The following TANC1 variants were observed in gnomAD, a reference collection of about 807,000 sequenced individuals.
TANC1 encodes the protein protein TANC1.
TANC1 carries 77 observed loss-of-function variants against 149.7 expected under a neutral mutation model. That is an observed-to-expected ratio of 0.51 (90% CI 0.43 to 0.62). The LOEUF is 0.62. Ranked by LOEUF, TANC1 falls within the 20% of genes least tolerant of loss-of-function variation. The pLI, the probability that TANC1 is intolerant of heterozygous loss-of-function variation, is 0.00. For missense variants in TANC1, 1,985 were observed against 2,321.8 expected (o/e 0.85, Z 2.98); for synonymous variants, 854 against 925.0 (o/e 0.92, Z 1.39).
intron 1 of TANC1, among the ~76,000 whole-genome samples, chr2:158,988,205 A>G (rs918898516): frequency 2.6e-5 from 4 of 151,596 alleles, no homozygotes; most frequent in African/African-American, 9.7e-5. Context: ...GGCGCCTGTA[A>G]TCCCAGCTAC....
chr2:159,076,113 C>CTTTTTCATGCCCTTGTACTTGTT (rs1299814369), intron 3 of TANC1, among the ~76,000 whole-genome samples: 15 of 152,138 alleles, frequency 9.9e-5, no homozygotes, highest in African/African-American at 3.6e-4. Context: ...CAATGATTGT[C>CTTTTTCATGCCCTTGTACTTGTT]TTTTTCATGC....
At chr2:159,225,540 G>C in intron 23 of TANC1, 148 bp from the exon 24 acceptor site, 1 of 648,386 alleles carries the variant, frequency 1.5e-6, no homozygotes, top group South Asian at 1.8e-5. Flanking sequence ...CAACAGCCTC[G>C]CCGGCGTCCT....
At chr2:159,204,819 C>T (rs553174989) in intron 19 of TANC1, among the ~76,000 whole-genome samples, 22 of 152,284 alleles carry the variant, frequency 1.4e-4, no homozygotes, top group African/African-American at 5.3e-4. Flanking sequence ...TTTTTATTGT[C>T]AAAGCTACTA....
chr2:159,032,816 G>A (rs2039889225), intron 2 of TANC1, among the ~76,000 whole-genome samples: 1 of 152,064 alleles, frequency 6.6e-6, no homozygotes, highest in Admixed American at 6.6e-5. Context: ...TGCATGAACT[G>A]AGCCCCAGAT....
chr2:159,107,959 G>T (rs182425140), intron 4 of TANC1, among the ~76,000 whole-genome samples: 1 of 152,300 alleles, frequency 6.6e-6, no homozygotes, highest in East Asian at 1.9e-4. Context: ...CCCCTTGGGA[G>T]CACTGAAAAC....
chr2:159,091,195 C>T lies in TANC1; in HGVS notation c.62-6442C>T, dbSNP rs141586232. Among the ~76,000 whole-genome samples, 545 of 152,268 alleles carry T rather than the reference C, an allele frequency of 3.6e-3. 6 individuals are homozygous for T. The highest frequency in any genetic ancestry group is 0.012 in the African/African-American group (502 of 41,548). Reference sequence around the variant, plus strand: ...AATACTGAGACAGTGGACTCTGGATCCCGCTGCCTGGGTTCAGACTCAGCT... The same window carrying T: ...AATACTGAGACAGTGGACTCTGGATTCCGCTGCCTGGGTTCAGACTCAGCT... On this transcript the variant is annotated intron_variant, in intron 3 of 26. Coordinates refer to ENST00000263635, the MANE Select transcript of TANC1 (RefSeq NM_033394.3).
chr2:159,032,031 C>G (rs1047448890), intron 2 of TANC1, among the ~76,000 whole-genome samples: 2 of 152,196 alleles, frequency 1.3e-5, no homozygotes, highest in African/African-American at 2.4e-5. Context: ...ACCTTCTTCC[C>G]TAAGGTCATA....
At chr2:158,991,987 G>A (rs754260537) in intron 1 of TANC1, among the ~76,000 whole-genome samples, 2 of 152,060 alleles carry the variant, frequency 1.3e-5, no homozygotes, top group Non-Finnish European at 2.9e-5. Context: ...TTCCATCTGT[G>A]CTCTCACATC....
intron 1 of TANC1, among the ~76,000 whole-genome samples, chr2:158,985,731 C>T (rs557482355): frequency 8.7e-4 from 133 of 152,248 alleles, no homozygotes; most frequent in Non-Finnish European, 1.7e-3. Context: ...ACAGCCTCCA[C>T]CTCCCGGGTT....
intron 19 of TANC1, among the ~76,000 whole-genome samples, chr2:159,215,373 T>C (rs2059277462): frequency 1.3e-5 from 2 of 152,212 alleles, no homozygotes; most frequent in Non-Finnish European, 2.9e-5. Context: ...GCTAGTTTCT[T>C]GCAGGGAGAT....
At chr2:159,033,746 G>T (rs903432423) in intron 2 of TANC1, among the ~76,000 whole-genome samples, 4 of 152,128 alleles carry the variant, frequency 2.6e-5, no homozygotes, top group Admixed American at 6.5e-5. Flanking sequence ...TTCACCCCAG[G>T]TTCTTTCTTA....
intron 2 of TANC1, among the ~76,000 whole-genome samples, chr2:159,035,299 C>A (rs1411767044): frequency 6.6e-6 from 1 of 152,068 alleles, no homozygotes. Context: ...TCTCTAACCT[C>A]CTGTGTTTTA....
In TANC1 at chr2:159,196,661, G is replaced by A. The variant is rs1445518470; in HGVS notation, c.3033G>A (p.Arg1011=). The A allele has an allele frequency of 1.2e-6, 2 of 1,614,034 alleles. No individual in the cohort carries two copies. The highest frequency in any genetic ancestry group is 1.1e-5 in the South Asian group (1 of 91,056). ...GTGCGCTTGTCCACAGTGCCCTACG[G>A]GGCCACGGTGACATTCTCCAGTACC... is the stretch of plus-strand genomic sequence containing the variant. ...GQCALVHSAL[R]GHGDILQYLL... is the part of the protein sequence containing the mutation. The change falls in exon 18 of 27, where the codon CGG becomes CGA. Residue 1011 remains arginine (R), a synonymous_variant. Coordinates refer to ENST00000263635, the MANE Select transcript of TANC1 (RefSeq NM_033394.3).
intron 1 of TANC1, among the ~76,000 whole-genome samples, chr2:158,982,829 A>T (rs1438013967): frequency 1.3e-5 from 2 of 151,970 alleles, no homozygotes; most frequent in Non-Finnish European, 2.9e-5. Flanking sequence ...CTGCTATGTC[A>T]CCCAGGCTGG....
intron 19 of TANC1, among the ~76,000 whole-genome samples, chr2:159,202,396 A>C (rs958209283): frequency 1.3e-5 from 2 of 152,250 alleles, no homozygotes; most frequent in African/African-American, 4.8e-5. Flanking sequence ...CAATCAACCC[A>C]CAGCCTTTAG....
intron 5 of TANC1, among the ~76,000 whole-genome samples, chr2:159,139,793 G>A (rs1378649323): frequency 6.6e-6 from 1 of 152,178 alleles, no homozygotes; most frequent in Non-Finnish European, 1.5e-5. Context: ...ATATGAAAGA[G>A]CAGAATAATT....
intron 17 of TANC1, among the ~76,000 whole-genome samples, chr2:159,194,993 C>T (rs1434888475): frequency 6.6e-6 from 1 of 152,136 alleles, no homozygotes; most frequent in East Asian, 1.9e-4. Flanking sequence ...AGTTATTGAG[C>T]CTATATATGA....
At chr2:159,097,385 T>G (rs1235817838) in intron 3 of TANC1, among the ~76,000 whole-genome samples, 1 of 152,180 alleles carries the variant, frequency 6.6e-6, no homozygotes, top group Non-Finnish European at 1.5e-5. Flanking sequence ...CCTGGATCCT[T>G]TGTTAGGGAT....
chr2:159,062,973 C>CAAAAAAAAAAAAAAAAAAAAAA (rs58675911), intron 2 of TANC1, among the ~76,000 whole-genome samples: 109 of 41,196 alleles, frequency 2.6e-3, no homozygotes, highest in Non-Finnish European at 4.5e-3. Flanking sequence ...GACTCCGTCT[C>CAAAAAAAAAAAAAAAAAAAAAA]AAAAAAAAAA....
Sources: allele counts gnomAD v4.1 joint callset (sites outside exome capture counted in the v4.1 genomes callset), GRCh38; gene constraint gnomAD v4.1.1; transcripts MANE v1.5; gene names NCBI Gene and HGNC (gene_info 2026-07-23, HGNC 2026-07-21).